Variants in NFATC2IP observed in about 807,000 individuals in gnomAD.
NFATC2IP encodes nuclear factor of activated T cells 2 interacting protein.
Under a neutral mutation model 40.2 loss-of-function variants are expected in NFATC2IP, and 25 were observed. The observed-to-expected ratio is 0.62, with a 90% confidence interval of 0.45 to 0.87. The LOEUF (loss-of-function observed/expected upper bound fraction) is 0.87, where lower values mean the gene tolerates loss of function less well. Among genes scored for constraint, NFATC2IP ranks in the 40% least tolerant of loss-of-function variants. The probability of loss-of-function intolerance (pLI) is 0.00; values close to 1 mark genes in which losing one functional copy is unlikely to be tolerated. For missense variants in NFATC2IP, 553 were observed against 555.6 expected (o/e 1.00, Z 0.05); for synonymous variants, 241 against 236.3 (o/e 1.02, Z -0.18).
intron 5 of NFATC2IP, 143 bp downstream of exon 5, chr16:28,956,480 T>G (rs1175524703): frequency 1.6e-6 from 1 of 624,738 alleles, no homozygotes; most frequent in African/African-American, 1.8e-5. Flanking sequence ...CTTTTCAGTC[T>G]GTCCTGCCTT....
rs373010732 is a variant in NFATC2IP, at chr16:28,950,983, C to G, written c.-29C>G. ...GGGGGCGGGGCGAGGCGAGAGGAGG[C>G]GGGCGTGTGTTGTGGAGGAAAGTGT... On this transcript the variant is annotated 5_prime_UTR_variant, in exon 1 of 8. Transcript: ENST00000320805. 1 of 1,454,670 alleles carries G rather than the reference C, an allele frequency of 6.9e-7. No individual in the cohort carries two copies. Among genetic ancestry groups the G allele is most frequent in the Non-Finnish European group, 9.0e-7 (1 of 1,108,960 alleles). 90.1% of individuals were successfully genotyped at this position (1,454,670 alleles called of 1,614,324 possible).
intron 1 of NFATC2IP, among the ~76,000 whole-genome samples, chr16:28,951,636 C>T (rs1184022276): frequency 1.3e-5 from 2 of 151,938 alleles, no homozygotes; most frequent in East Asian, 3.9e-4. Flanking sequence ...GAGCTAGAGT[C>T]TTGGGGGCAC....
intron 2 of NFATC2IP, among the ~76,000 whole-genome samples, chr16:28,953,438 C>T (rs1964987947): frequency 6.6e-6 from 1 of 152,110 alleles, no homozygotes; most frequent in Non-Finnish European, 1.5e-5. Flanking sequence ...TAATAGTAGA[C>T]CCCATTTTGG....
chr16:28,954,258 G>A (rs1964996294), intron 2 of NFATC2IP, among the ~76,000 whole-genome samples: 1 of 152,052 alleles, frequency 6.6e-6, no homozygotes, highest in South Asian at 2.1e-4. Flanking sequence ...ATTTATTTTT[G>A]TGGTTTGTGA....
intron 2 of NFATC2IP, among the ~76,000 whole-genome samples, chr16:28,953,000 T>G (rs1567512103): frequency 6.6e-6 from 1 of 151,968 alleles, no homozygotes. Flanking sequence ...CTTCCCAAAT[T>G]GCTGGGATTA....
chr16:28,965,385 G>A lies in NFATC2IP; in HGVS notation c.*1522G>A, dbSNP rs1965134015. 6.6e-6 allele frequency: 1 copy of A among 151,914 alleles called. No homozygotes were observed. Among genetic ancestry groups the A allele is most frequent in the Non-Finnish European group, 1.5e-5 (1 of 68,002 alleles). The allele number at this position is 151,914 out of a possible 1,614,324, so 9.4% of individuals were successfully genotyped here. ...GCAGAAGGATCGCTGCAGCCCAGGAGTTCGAGACTAGCCTGGGCAACATAG... is the reference window on the plus strand; with the variant it reads ...GCAGAAGGATCGCTGCAGCCCAGGAATTCGAGACTAGCCTGGGCAACATAG... On this transcript the variant is annotated 3_prime_UTR_variant, in exon 8 of 8. Coordinates refer to ENST00000320805, the MANE Select transcript of NFATC2IP (RefSeq NM_032815.4).
chr16:28,958,122 A>AG (rs1965041782), intron 5 of NFATC2IP, among the ~76,000 whole-genome samples: 1 of 150,662 alleles, frequency 6.6e-6, no homozygotes, highest in Non-Finnish European at 1.5e-5. Flanking sequence ...AGAAAGAAAA[A>AG]AAAAAGGTCC....
At chr16:28,951,501 T>C in intron 1 of NFATC2IP, 103 bp downstream of exon 1, 2 of 1,136,266 alleles carry the variant, frequency 1.8e-6, no homozygotes, top group Non-Finnish European at 2.3e-6. Context: ...GTGTTGAGGC[T>C]GGCGTTCTGG....
At chr16:28,956,600 T>TC in intron 5 of NFATC2IP, 1 of 461,562 alleles carries the variant, frequency 2.2e-6, no homozygotes. Flanking sequence ...TCTTTTTTTT[T>TC]CCTTCAAAAA....
chr16:28,952,979 G>T lies in NFATC2IP; in HGVS notation c.460+775G>T, dbSNP rs568999385. On this transcript the variant is annotated intron_variant, in intron 2 of 7. Coordinates refer to ENST00000320805, the MANE Select transcript of NFATC2IP (RefSeq NM_032815.4). Reference sequence around the variant, plus strand: ...TTGAACTCCTGACCTCAGGTGATCCGCCCATCTTAGCTTCCCAAATTGCTG... The same window carrying T: ...TTGAACTCCTGACCTCAGGTGATCCTCCCATCTTAGCTTCCCAAATTGCTG... 5.1e-3 allele frequency among the ~76,000 whole-genome samples: 776 copies of T among 152,068 alleles called. 7 individuals are homozygous for T. Among genetic ancestry groups the T allele is most frequent in the African/African-American group, 0.018 (730 of 41,466 alleles).
Position 28,966,687 on chromosome 16 carries a change from A to C in NFATC2IP, c.*2824A>C, listed in dbSNP as rs1238583140. ...GGCAGGAGAATCGCTTGAACCCAGG[A>C]GGCAGAGGTTGCAGTGAGCCAAGAT... is the stretch of plus-strand genomic sequence containing the variant. On this transcript the variant is annotated 3_prime_UTR_variant, in exon 8 of 8. Transcript: ENST00000320805. 6.7e-6 allele frequency: 1 copy of C among 150,300 alleles called. No individual in the cohort carries two copies. The highest frequency in any genetic ancestry group is 1.5e-5 in the Non-Finnish European group (1 of 67,900). The allele number at this position is 150,300 out of a possible 1,614,324, so 9.3% of individuals were successfully genotyped here.
intron 2 of NFATC2IP, among the ~76,000 whole-genome samples, chr16:28,953,475 A>G (rs1964988264): frequency 6.6e-6 from 1 of 152,200 alleles, no homozygotes; most frequent in Non-Finnish European, 1.5e-5. Flanking sequence ...AATTAACGAA[A>G]GGGAATATAG....
At chr16:28,958,967 G>C in intron 6 of NFATC2IP, 24 bp from the exon 7 acceptor site, 1 of 1,608,132 alleles carries the variant, frequency 6.2e-7, no homozygotes, top group African/African-American at 1.3e-5. Flanking sequence ...CTTAGCCCTG[G>C]CTTCCTGATT....
In NFATC2IP at chr16:28,951,243, C is replaced by G; in HGVS notation, c.232C>G (p.Pro78Ala). 1 of 1,495,504 alleles carries G rather than the reference C, an allele frequency of 6.7e-7. No homozygotes were observed. Among genetic ancestry groups the G allele is most frequent in the Non-Finnish European group, 9.0e-7 (1 of 1,116,864 alleles). 92.6% of individuals were successfully genotyped at this position (1,495,504 alleles called of 1,614,324 possible). ...ADEVEVEPPE[P>A]PGPVASRDNS... ...CGAGGTTGAGGTGGAGCCCCCGGAG[C>G]CCCCGGGGCCGGTCGCGTCCCGGGA... is the stretch of plus-strand genomic sequence containing the variant. The change falls in exon 1 of 8, where the codon CCC becomes GCC. Residue 78 changes from proline (P) to alanine (A), a missense_variant. Transcript: ENST00000320805.
rs923191405 is a variant in NFATC2IP at position 28,963,758 on chromosome 16, G to A, written c.1155G>A (p.Ser385=). The part of the protein sequence containing the change: ...MSHYEEAMGL[S]GRKLSFFFDG... ...ACTATGAGGAGGCCATGGGACTGTC[G>A]GGACGGAAGCTCTCCTTCTTCTTTG... The change falls in exon 8 of 8, where the codon TCG becomes TCA. Residue 385 remains serine, a synonymous_variant. Coordinates refer to ENST00000320805, the MANE Select transcript of NFATC2IP (RefSeq NM_032815.4). The A allele has an allele frequency of 2.5e-6, 4 of 1,614,120 alleles. No individual in the cohort carries two copies. Among genetic ancestry groups the A allele is most frequent in the Middle Eastern group, 1.6e-4 (1 of 6,062 alleles).
intron 2 of NFATC2IP, among the ~76,000 whole-genome samples, chr16:28,953,267 TTCA>T: frequency 6.6e-6 from 1 of 151,976 alleles, no homozygotes; most frequent in East Asian, 1.9e-4. Flanking sequence ...GAGATGGGGT[TTCA>T]TCATGTTGGC....
rs1433872973 is a variant in NFATC2IP, at chr16:28,964,586, T to C, written c.*723T>C. 1.3e-5 allele frequency: 2 copies of C among 152,388 alleles called. No individual in the cohort carries two copies. The highest frequency in any genetic ancestry group is 4.8e-5 in the African/African-American group (2 of 41,462). The allele number at this position is 152,388 out of a possible 1,614,324, so 9.4% of individuals were successfully genotyped here. On this transcript the variant is annotated 3_prime_UTR_variant, in exon 8 of 8. Transcript: ENST00000320805. ...AATACAGTCCCATGCAAAGATTCTC[T>C]GGTTTTATGGCTTTTTTCCCTTTCT...
chr16:28,963,577 C>A, intron 7 of NFATC2IP, 128 bp from the exon 8 acceptor site: 1 of 756,522 alleles, frequency 1.3e-6, no homozygotes, highest in South Asian at 1.8e-5. Flanking sequence ...CCTTTCCCCG[C>A]ATGGGGCCCT....
chr16:28,965,238 T>C lies in NFATC2IP; in HGVS notation c.*1375T>C, dbSNP rs929717273. ...CCATTTTCTCATGGAGTTTCTTATC[T>C]TTTTTGGTTTATTCTCAGGAGTTGC... On this transcript the variant is annotated 3_prime_UTR_variant, in exon 8 of 8. Transcript: ENST00000320805. 1 of 152,182 alleles carries C rather than the reference T, an allele frequency of 6.6e-6. No individual in the cohort carries two copies. The highest frequency in any genetic ancestry group is 2.4e-5 in the African/African-American group (1 of 41,448). 9.4% of individuals were successfully genotyped at this position (152,182 alleles called of 1,614,324 possible). A position where few individuals can be genotyped will look rare whatever the true frequency, so the allele number is the denominator to read the frequency against.
Sources: gnomAD v4.1 joint callset for allele counts (sites outside exome capture counted in the v4.1 genomes callset) on GRCh38, gnomAD v4.1.1 for gene constraint, MANE v1.5 for transcripts, NCBI Gene and HGNC (gene_info 2026-07-23, HGNC 2026-07-21) for gene names.